ZFX: variants seen among roughly 807,000 people sequenced by gnomAD.
ZFX encodes zinc finger X-chromosomal protein.
For missense variants in ZFX, 362 were observed against 628.3 expected, an observed-to-expected ratio of 0.58 and a Z score of 4.53; for synonymous variants, 196 against 226.8, an observed-to-expected ratio of 0.86 and a Z score of 1.22.
At chrX:24,169,090 T>G (rs1015710122) in intron 3 of ZFX, among the ~76,000 whole-genome samples, 1 of 111,462 alleles carries the variant, frequency 9.0e-6, no homozygotes, top group Non-Finnish European at 1.9e-5. Context: ...GTATTCTAAC[T>G]CCAGAGGGGT....
At chrX:24,163,831 T>TAA (rs199942005) in intron 3 of ZFX, among the ~76,000 whole-genome samples, 4,544 of 64,953 alleles carry the variant, frequency 0.07, 181 homozygotes, top group South Asian at 0.15. Flanking sequence ...CCCCCTCTTT[T>TAA]AAAAAAAAGA....
At chrX:24,193,622 A>G (rs1207241705) in intron 5 of ZFX, among the ~76,000 whole-genome samples, 1 of 112,025 alleles carries the variant, frequency 8.9e-6, no homozygotes. Flanking sequence ...ACAATCCCCT[A>G]GAGCCTTTAT....
At chrX:24,180,035 C>G (rs1935534297) in intron 5 of ZFX, among the ~76,000 whole-genome samples, 1 of 109,994 alleles carries the variant, frequency 9.1e-6, no homozygotes, top group African/African-American at 3.3e-5. Flanking sequence ...CGAGACCAGC[C>G]TGGCCAACCA....
At position 24,172,711 on chromosome X, in the gene ZFX, T is replaced by G; in HGVS notation, c.-28-4T>G. On this transcript the variant is annotated splice_polypyrimidine_tract_variant and splice_region_variant and intron_variant, in intron 3 of 9. Coordinates refer to ENST00000304543, the MANE Select transcript of ZFX (RefSeq NM_003410.4). The stretch of plus-strand genomic sequence containing the variant: ...GCTTTGGTTTACTTTTTTCCCTGAT[T>G]TAGGAGCTGTGACTGATGAGAATTA... 1 of 1,152,103 alleles carries G rather than the reference T, an allele frequency of 8.7e-7. No individual in the cohort carries two copies. The highest frequency in any genetic ancestry group is 1.2e-6 in the Non-Finnish European group (1 of 868,628). The allele number at this position is 1,152,103 out of a possible 1,213,427, so 94.9% of individuals were successfully genotyped here. A position where few individuals can be genotyped will look rare whatever the true frequency, so the allele number is the denominator to read the frequency against.
rs766128435 is a variant in ZFX at position 24,212,662 on chromosome X, A to G, written c.*1286A>G. 12 of 112,234 alleles carry G rather than the reference A, an allele frequency of 1.1e-4. No homozygotes were observed. Among genetic ancestry groups the G allele is most frequent in the African/African-American group, 3.9e-4 (12 of 30,866 alleles). The allele number at this position is 112,234 out of a possible 1,213,427, so 9.2% of individuals were successfully genotyped here. A position where few individuals can be genotyped will look rare whatever the true frequency, so the allele number is the denominator to read the frequency against. ...CTGTCTTACCTAGTGAGGGGGATGG[A>G]AAAGAAGTGATGGCTCTGTGGACCA... On this transcript the variant is annotated 3_prime_UTR_variant, in exon 10 of 10. Coordinates refer to ENST00000304543, the MANE Select transcript of ZFX (RefSeq NM_003410.4).
At chrX:24,156,448 C>T (rs1052541538) in intron 3 of ZFX, among the ~76,000 whole-genome samples, 3 of 110,534 alleles carry the variant, frequency 2.7e-5, no homozygotes, top group East Asian at 2.8e-4. Flanking sequence ...GTTAATTCAC[C>T]GGAGTTTTTT....
intron 5 of ZFX, among the ~76,000 whole-genome samples, chrX:24,183,487 GA>G (rs1935848582): frequency 9.0e-6 from 1 of 111,081 alleles, no homozygotes; most frequent in African/African-American, 3.3e-5. Flanking sequence ...ACGCCTGGCC[GA>G]AAATGCTATT....
At position 24,215,897 on chromosome X, in the gene ZFX, T is replaced by C. The variant is rs1486278836; in HGVS notation, c.*4521T>C. On this transcript the variant is annotated 3_prime_UTR_variant, in exon 10 of 10. Transcript: ENST00000304543. The stretch of plus-strand genomic sequence containing the variant: ...GGCCCAGGGTTACTTAAATAAATCA[T>C]AACCATTTTGCCACATTCTGTAACT... 1 of 110,985 alleles carries C rather than the reference T, an allele frequency of 9.0e-6. No individual in the cohort carries two copies. Among genetic ancestry groups the C allele is most frequent in the East Asian group, 2.8e-4 (1 of 3,537 alleles). The allele number at this position is 110,985 out of a possible 1,213,427, so 9.1% of individuals were successfully genotyped here. A position where few individuals can be genotyped will look rare whatever the true frequency, so the allele number is the denominator to read the frequency against.
At position 24,209,046 on chromosome X, in the gene ZFX, G is replaced by A; in HGVS notation, c.1234+6G>A. The A allele has an allele frequency of 8.3e-7, 1 of 1,211,434 alleles. No homozygotes were observed. Among genetic ancestry groups the A allele is most frequent in the Middle Eastern group, 2.3e-4 (1 of 4,354 alleles). On this transcript the variant is annotated splice_donor_region_variant and intron_variant, in intron 9 of 9. Transcript: ENST00000304543. Reference sequence around the variant, plus strand: ...TTCCAGGCAGTACCAAACAGGTGAGGGCGCACGAGTTCCATGGCGCAGCGT... The same window carrying A: ...TTCCAGGCAGTACCAAACAGGTGAGAGCGCACGAGTTCCATGGCGCAGCGT...
intron 5 of ZFX, among the ~76,000 whole-genome samples, chrX:24,192,113 C>T: frequency 8.9e-6 from 1 of 111,802 alleles, no homozygotes; most frequent in East Asian, 2.8e-4. Flanking sequence ...GTTTAAAAAA[C>T]ATTCTGGTAA....
intron 5 of ZFX, among the ~76,000 whole-genome samples, chrX:24,200,150 G>A (rs1243950677): frequency 1.8e-5 from 2 of 110,993 alleles, no homozygotes; most frequent in African/African-American, 3.3e-5. Context: ...GATTAGATGT[G>A]CTAGCAAATC....
At chrX:24,172,480 A>G (rs953052058) in intron 3 of ZFX, among the ~76,000 whole-genome samples, 1 of 112,325 alleles carries the variant, frequency 8.9e-6, no homozygotes, top group Non-Finnish European at 1.9e-5. Context: ...TATTGCTTCA[A>G]CTTAAAAAGA....
In ZFX at chrX:24,162,629, A is replaced by G. The variant is rs529512595; in HGVS notation, c.-29+9799A>G. Among the ~76,000 whole-genome samples, 11 of 111,953 alleles carry G rather than the reference A, an allele frequency of 9.8e-5. No homozygotes were observed. In the South Asian group the frequency reaches 3.7e-3, roughly 38 times the overall value. ...AAGTGATAACTGACATCATTCTCATATCCCAAAACACATGTTCTGACATGA... is the reference window on the plus strand; with the variant it reads ...AAGTGATAACTGACATCATTCTCATGTCCCAAAACACATGTTCTGACATGA... On this transcript the variant is annotated intron_variant, in intron 3 of 9. Transcript: ENST00000304543.
Position 24,206,538 on chromosome X carries a change from TGTGTGTGTGTGTA to T in ZFX, c.647-787_647-775del, listed in dbSNP as rs1488426554. Among the ~76,000 whole-genome samples, 40 of 98,828 alleles carry T rather than the reference TGTGTGTGTGTGTA, an allele frequency of 4.0e-4. No individual in the cohort carries two copies. In the East Asian group the frequency reaches 9.1e-3, roughly 23 times the overall value. The allele number at this position is 98,828 out of a possible 115,157, so 85.8% of individuals were successfully genotyped here. On this transcript the variant is annotated intron_variant, in intron 5 of 9. Transcript: ENST00000304543. ...GTGTGTGTGTGTGTGTGTGTGTGTG[TGTGTGTGTGTGTA>T]TTTTTTTTTTTTTTGGTAGAGATGG...
intron 4 of ZFX, among the ~76,000 whole-genome samples, chrX:24,174,615 G>T (rs1248096687): frequency 9.1e-6 from 1 of 109,989 alleles, no homozygotes; most frequent in Non-Finnish European, 1.9e-5. Context: ...GGATGGTCTC[G>T]ATCTCTTGAC....
Position 24,201,066 on chromosome X carries a change from T to G in ZFX, c.647-6260T>G, listed in dbSNP as rs141234301. ...AGGATGACTCAATTTTATCGAAGCC[T>G]TCTTTGTCTGTTTTTAGAAATTCAT... On this transcript the variant is annotated intron_variant, in intron 5 of 9. Coordinates refer to ENST00000304543, the MANE Select transcript of ZFX (RefSeq NM_003410.4). 9.2e-3 allele frequency among the ~76,000 whole-genome samples: 1,029 copies of G among 112,312 alleles called. 11 individuals carry two copies. The highest frequency in any genetic ancestry group is 0.031 in the African/African-American group (959 of 30,961).
At chrX:24,170,832 G>C (rs1019365196) in intron 3 of ZFX, among the ~76,000 whole-genome samples, 4 of 110,557 alleles carry the variant, frequency 3.6e-5, no homozygotes, top group Non-Finnish European at 5.7e-5. Flanking sequence ...GGCTGGTCTC[G>C]AACGCCTGAC....
intron 5 of ZFX, among the ~76,000 whole-genome samples, chrX:24,206,500 C>CGTGTGTGTGTGT (rs774457469): frequency 8.4e-5 from 5 of 59,598 alleles, no homozygotes; most frequent in African/African-American, 2.1e-4. Flanking sequence ...CCATGCCTGG[C>CGTGTGTGTGTGT]GTGTGTGTGT....
rs756372208 is a variant in ZFX at position 24,207,323 on chromosome X, T to C, written c.647-3T>C. ...ATTTGTGATTTATTTCCTTCCTTTT[T>C]AGTGGATGATGCTGGCAAAATAGAA... On this transcript the variant is annotated splice_polypyrimidine_tract_variant and splice_region_variant and intron_variant, in intron 5 of 9. Coordinates refer to ENST00000304543, the MANE Select transcript of ZFX (RefSeq NM_003410.4). 5.0e-6 allele frequency: 6 copies of C among 1,203,872 alleles called. No homozygotes were observed. In the Admixed American group the frequency reaches 1.3e-4, roughly 27 times the overall value.
Sources: allele counts gnomAD v4.1 joint callset (sites outside exome capture counted in the v4.1 genomes callset), GRCh38; gene constraint gnomAD v4.1.1; transcripts MANE v1.5; gene names NCBI Gene and HGNC (gene_info 2026-07-23, HGNC 2026-07-21).